KLHL32: variants seen among roughly 807,000 people sequenced by gnomAD.
The protein encoded by KLHL32 is kelch like family member 32.
KLHL32 carries 35 observed loss-of-function variants against 64.8 expected under a neutral mutation model. The observed-to-expected ratio is 0.54, with a 90% CI of 0.41 to 0.72. The LOEUF (loss-of-function observed/expected upper bound fraction) is 0.72, where lower values mean the gene tolerates loss of function less well. Among genes scored for constraint, KLHL32 ranks in the 30% least tolerant of loss-of-function variants. The pLI, the probability that KLHL32 is intolerant of heterozygous loss-of-function variation, is 0.00. For missense variants in KLHL32, 589 were observed against 768.5 expected, an observed-to-expected ratio of 0.77 and a Z score of 2.76; for synonymous variants, 259 against 281.0, an observed-to-expected ratio of 0.92 and a Z score of 0.78.
At chr6:96,974,994 C>T (rs901840361) in intron 2 of KLHL32, among the ~76,000 whole-genome samples, 1 of 152,208 alleles carries the variant, frequency 6.6e-6, no homozygotes, top group African/African-American at 2.4e-5. Context: ...CCTGGCAGAT[C>T]ACCTGTCTTA....
At chr6:97,005,571 T>C (rs1779568393) in intron 3 of KLHL32, among the ~76,000 whole-genome samples, 1 of 152,168 alleles carries the variant, frequency 6.6e-6, no homozygotes, top group South Asian at 2.1e-4. Flanking sequence ...GGTGTGATAT[T>C]AGGTTGTTAA....
chr6:97,102,907 G>A (rs1795916374), intron 6 of KLHL32, among the ~76,000 whole-genome samples: 1 of 151,800 alleles, frequency 6.6e-6, no homozygotes, highest in African/African-American at 2.4e-5. Flanking sequence ...TGATGTCATG[G>A]GGGTTTGTAC....
intron 5 of KLHL32, among the ~76,000 whole-genome samples, chr6:97,065,229 A>T (rs1042398281): frequency 3.3e-5 from 5 of 152,118 alleles, no homozygotes; most frequent in African/African-American, 1.2e-4. Flanking sequence ...TTCCTCCCTG[A>T]TTTGCTGGTC....
At chr6:97,014,128 A>C (rs1780787440) in intron 3 of KLHL32, among the ~76,000 whole-genome samples, 1 of 152,000 alleles carries the variant, frequency 6.6e-6, no homozygotes, top group Non-Finnish European at 1.5e-5. Context: ...CCCCGTCTCT[A>C]CTAAAAATAC....
intron 4 of KLHL32, among the ~76,000 whole-genome samples, chr6:97,049,130 A>C (rs1225013501): frequency 6.6e-6 from 1 of 152,220 alleles, no homozygotes; most frequent in Non-Finnish European, 1.5e-5. Flanking sequence ...GATAAGTACC[A>C]AACCCTATAT....
At chr6:97,135,322 TCCTGAGAG>T (rs1799880475) in intron 10 of KLHL32, among the ~76,000 whole-genome samples, 4 of 112,286 alleles carry the variant, frequency 3.6e-5, no homozygotes, top group East Asian at 2.2e-4. Flanking sequence ...TTTTTTTTTT[TCCTGAGAG>T]TGTCTTGCTC....
chr6:97,096,989 C>G (rs939276484), intron 6 of KLHL32, among the ~76,000 whole-genome samples: 2 of 152,102 alleles, frequency 1.3e-5, no homozygotes, highest in Admixed American at 6.6e-5. Context: ...TTTTCAAGAG[C>G]GAATTTGTTA....
intron 3 of KLHL32, among the ~76,000 whole-genome samples, chr6:96,985,949 T>C (rs1776999588): frequency 6.6e-6 from 1 of 152,234 alleles, no homozygotes. Flanking sequence ...AGAGGTGCTC[T>C]GATTTTTAGA....
intron 1 of KLHL32, among the ~76,000 whole-genome samples, chr6:96,928,194 C>A (rs1351995774): frequency 1.3e-5 from 2 of 152,122 alleles, no homozygotes; most frequent in Non-Finnish European, 2.9e-5. Flanking sequence ...TTGTGGAGAT[C>A]AGGTCAGTCC....
At chr6:97,088,375 G>T (rs1793743400) in intron 6 of KLHL32, among the ~76,000 whole-genome samples, 1 of 152,154 alleles carries the variant, frequency 6.6e-6, no homozygotes, top group Non-Finnish European at 1.5e-5. Flanking sequence ...TAGGTCACTT[G>T]CCTTTGTGAC....
chr6:96,994,555 G>A, intron 3 of KLHL32: 1 of 985,388 alleles, frequency 1.0e-6, no homozygotes, highest in South Asian at 4.7e-5. Context: ...GGGAAGGTGG[G>A]ACTGCAAGAG....
intron 6 of KLHL32, among the ~76,000 whole-genome samples, chr6:97,087,507 T>C (rs1793599240): frequency 6.6e-6 from 1 of 152,210 alleles, no homozygotes; most frequent in Non-Finnish European, 1.5e-5. Flanking sequence ...CTCACTGTAA[T>C]AAAGTGCTCA....
intron 1 of KLHL32, among the ~76,000 whole-genome samples, chr6:96,944,816 A>G (rs968470166): frequency 1.3e-5 from 2 of 152,218 alleles, no homozygotes; most frequent in Admixed American, 1.3e-4. Context: ...TGGGAAAATA[A>G]AAGAAATACT....
chr6:97,080,277 G>A (rs183900291), intron 5 of KLHL32, among the ~76,000 whole-genome samples: 1 of 152,316 alleles, frequency 6.6e-6, no homozygotes, highest in African/African-American at 2.4e-5. Flanking sequence ...AATCAGGAAG[G>A]CCTGTGAGAT....
chr6:96,931,139 CA>C (rs1260071417), intron 1 of KLHL32, among the ~76,000 whole-genome samples: 2 of 152,180 alleles, frequency 1.3e-5, no homozygotes, highest in African/African-American at 4.8e-5. Context: ...AAACACTCCT[CA>C]AATTCTCTTT....
intron 5 of KLHL32, among the ~76,000 whole-genome samples, chr6:97,084,313 C>G (rs1337077494): frequency 6.6e-6 from 1 of 152,156 alleles, no homozygotes; most frequent in Non-Finnish European, 1.5e-5. Flanking sequence ...TGTACTGTAT[C>G]TCTGATTTTT....
intron 1 of KLHL32, among the ~76,000 whole-genome samples, chr6:96,929,767 T>TA (rs1393998160): frequency 1.3e-5 from 2 of 152,168 alleles, no homozygotes; most frequent in Non-Finnish European, 2.9e-5. Context: ...TAAGTTTTGG[T>TA]GAGATTTTTA....
intron 3 of KLHL32, among the ~76,000 whole-genome samples, chr6:97,004,980 A>G (rs1465529192): frequency 6.6e-6 from 1 of 151,666 alleles, no homozygotes; most frequent in Non-Finnish European, 1.5e-5. Context: ...TGGTATCAGG[A>G]TGATGCTGCT....
At chr6:97,047,801 C>A (rs1170512680) in intron 4 of KLHL32, among the ~76,000 whole-genome samples, 1 of 152,078 alleles carries the variant, frequency 6.6e-6, no homozygotes, top group Non-Finnish European at 1.5e-5. Context: ...AAAAACCCAG[C>A]CTGACAGTGA....
Sources: gnomAD v4.1 joint callset for allele counts (sites outside exome capture counted in the v4.1 genomes callset) on GRCh38, gnomAD v4.1.1 for gene constraint, MANE v1.5 for transcripts, NCBI Gene and HGNC (gene_info 2026-07-23, HGNC 2026-07-21) for gene names.